Variants in ZMIZ1 observed in about 807,000 individuals in gnomAD.
ZMIZ1 encodes zinc finger MIZ-type containing 1, also known as zinc finger MIZ domain-containing protein 1.
Under a neutral mutation model 113.9 loss-of-function variants are expected in ZMIZ1, and 17 were observed. The ratio of observed to expected loss-of-function variants is 0.15; its 90% CI spans 0.10 to 0.22. ZMIZ1 has a LOEUF of 0.22. Ranked by LOEUF, ZMIZ1 falls within the 10% of genes least tolerant of loss-of-function variation. The pLI is 1.00. For missense variants in ZMIZ1, 1,059 were observed against 1,477.8 expected, an observed-to-expected ratio of 0.72 and a Z score of 4.65; for synonymous variants, 607 against 603.1, an observed-to-expected ratio of 1.01 and a Z score of -0.09.
chr10:79,182,282 G>A (rs1847154020), intron 4 of ZMIZ1, among the ~76,000 whole-genome samples: 1 of 152,236 alleles, frequency 6.6e-6, no homozygotes, highest in African/African-American at 2.4e-5. Context: ...CAGTTTAGAG[G>A]ACAGCCAAGT....
At chr10:79,114,658 G>A (rs1843940905) in intron 1 of ZMIZ1, among the ~76,000 whole-genome samples, 1 of 152,148 alleles carries the variant, frequency 6.6e-6, no homozygotes, top group South Asian at 2.1e-4. Context: ...ACAGCTGTCA[G>A]CACCCCCCTC....
intron 7 of ZMIZ1, among the ~76,000 whole-genome samples, chr10:79,275,965 C>T (rs1009794879): frequency 2.0e-5 from 3 of 152,248 alleles, no homozygotes; most frequent in African/African-American, 7.2e-5. Flanking sequence ...GCTTTGCACC[C>T]AGCCAAGTGG....
At chr10:79,279,347 G>T (rs563969271) in intron 8 of ZMIZ1, among the ~76,000 whole-genome samples, 1 of 151,696 alleles carries the variant, frequency 6.6e-6, no homozygotes, top group East Asian at 1.9e-4. Context: ...GGGCAGAGGT[G>T]CTCTTCACAT....
intron 7 of ZMIZ1, among the ~76,000 whole-genome samples, chr10:79,246,702 AG>A (rs913179682): frequency 6.6e-6 from 1 of 152,156 alleles, no homozygotes; most frequent in Non-Finnish European, 1.5e-5. Flanking sequence ...CGGCTGCAGG[AG>A]GAAACTCTCC....
chr10:79,145,973 G>A (rs1180699754), intron 3 of ZMIZ1, among the ~76,000 whole-genome samples: 11 of 152,222 alleles, frequency 7.2e-5, no homozygotes, highest in Admixed American at 5.2e-4. Flanking sequence ...CTCTCAATGT[G>A]CTGGGATTAT....
rs1264981169 is a variant in ZMIZ1 at position 79,118,312 on chromosome 10, A to G, written c.-336-603A>G. 6.6e-6 allele frequency among the ~76,000 whole-genome samples: 1 copy of G among 152,196 alleles called. No individual in the cohort carries two copies. The highest frequency in any genetic ancestry group is 1.5e-5 in the Non-Finnish European group (1 of 68,028). On this transcript the variant is annotated intron_variant, in intron 1 of 24. Transcript: ENST00000334512. The surrounding 1 kb of genome is among the most constrained non-coding windows in gnomAD (Gnocchi z 4.1). ...CTTTCACGGCACCATTCATCCATCA[A>G]GGAATCTCTGTGGTCCTTGTTAACC...
intron 2 of ZMIZ1, among the ~76,000 whole-genome samples, chr10:79,137,927 A>T (rs1845085256): frequency 6.6e-6 from 1 of 152,028 alleles, no homozygotes; most frequent in Non-Finnish European, 1.5e-5. Flanking sequence ...TATAACTCAC[A>T]GCTGTGCGGT....
intron 7 of ZMIZ1, among the ~76,000 whole-genome samples, chr10:79,256,866 G>T (rs896988900): frequency 5.9e-5 from 9 of 152,222 alleles, no homozygotes; most frequent in African/African-American, 2.2e-4. Context: ...GCATGCTTGT[G>T]ATTTTGCTCT....
intron 1 of ZMIZ1, among the ~76,000 whole-genome samples, chr10:79,102,857 T>G (rs1843413148): frequency 6.6e-6 from 1 of 152,230 alleles, no homozygotes; most frequent in African/African-American, 2.4e-5. Flanking sequence ...TTCACTCACT[T>G]GTTCATTCAA....
At chr10:79,131,424 C>T (rs1211398739) in intron 2 of ZMIZ1, among the ~76,000 whole-genome samples, 9 of 152,130 alleles carry the variant, frequency 5.9e-5, no homozygotes, top group East Asian at 1.9e-4. Context: ...TCTGAGCTGT[C>T]GTGCCTGTTT....
chr10:79,087,036 T>C (rs1186052761), intron 1 of ZMIZ1, among the ~76,000 whole-genome samples: 1 of 152,266 alleles, frequency 6.6e-6, no homozygotes, highest in Non-Finnish European at 1.5e-5. Flanking sequence ...TTAAGTGTTT[T>C]TAACTTCTTA....
intron 2 of ZMIZ1, among the ~76,000 whole-genome samples, chr10:79,122,490 G>A (rs1311187804): frequency 6.6e-6 from 1 of 152,070 alleles, no homozygotes; most frequent in East Asian, 1.9e-4. Context: ...TGTTTTATTT[G>A]CAGAGCCTCC....
chr10:79,117,947 C>G (rs115799545), intron 1 of ZMIZ1, among the ~76,000 whole-genome samples: 2,567 of 152,308 alleles, frequency 0.017, 92 homozygotes, highest in African/African-American at 0.058. Context: ...ATTGCCTTCT[C>G]CTTTTCCCAG....
chr10:79,079,507 C>G (rs1356064530), intron 1 of ZMIZ1, among the ~76,000 whole-genome samples: 1 of 152,236 alleles, frequency 6.6e-6, no homozygotes. Flanking sequence ...AGTCGTGTGA[C>G]TCTTGAAGAT....
At chr10:79,089,724 C>T (rs1390206022) in intron 1 of ZMIZ1, among the ~76,000 whole-genome samples, 1 of 152,128 alleles carries the variant, frequency 6.6e-6, no homozygotes, top group Admixed American at 6.5e-5. Context: ...GCACCTGGGA[C>T]AGCCTTCCTG....
chr10:79,200,501 T>G (rs1326749906), intron 4 of ZMIZ1, among the ~76,000 whole-genome samples: 1 of 152,202 alleles, frequency 6.6e-6, no homozygotes, highest in African/African-American at 2.4e-5. Context: ...CACTCCCTTC[T>G]CCTGCACTTC....
rs1451703538 is a variant in ZMIZ1 at position 79,069,830 on chromosome 10, G to C, written c.-337+560G>C. 6.6e-6 allele frequency among the ~76,000 whole-genome samples: 1 copy of C among 152,052 alleles called. No homozygotes were observed. ...TTTGTAAATGGGAGGTGGGGGCGCG[G>C]TTAAGTTGTTTGTGTGGGAATTGCC... On this transcript the variant is annotated intron_variant, in intron 1 of 24. Coordinates refer to ENST00000334512, the MANE Select transcript of ZMIZ1 (RefSeq NM_020338.4). The surrounding 1 kb of genome is among the most constrained non-coding windows in gnomAD (Gnocchi z 4.6).
intron 1 of ZMIZ1, among the ~76,000 whole-genome samples, chr10:79,113,127 G>T (rs1025563236): frequency 6.6e-6 from 1 of 152,212 alleles, no homozygotes; most frequent in Admixed American, 6.5e-5. Flanking sequence ...GCCTGCCTTC[G>T]GAGCCTCAGG....
rs75412522 is a variant in ZMIZ1, at chr10:79,207,150, C to T, written c.61-1186C>T. 7.7e-3 allele frequency among the ~76,000 whole-genome samples: 1,171 copies of T among 152,348 alleles called. 14 individuals are homozygous for T. Among genetic ancestry groups the T allele is most frequent in the African/African-American group, 0.027 (1,110 of 41,586 alleles). On this transcript the variant is annotated intron_variant, in intron 5 of 24. Coordinates refer to ENST00000334512, the MANE Select transcript of ZMIZ1 (RefSeq NM_020338.4). ...TCTGGGCCCTGCGGCTCCTAGGCCC[C>T]TCCCTGCCCTGGCGCTGGGGCAGGC...
Sources: gnomAD v4.1 joint callset for allele counts (sites outside exome capture counted in the v4.1 genomes callset) on GRCh38, gnomAD v4.1.1 for gene constraint, Gnocchi (gnomAD v3.1) non-coding constraint, MANE v1.5 for transcripts, NCBI Gene and HGNC (gene_info 2026-07-23, HGNC 2026-07-21) for gene names.